Variants in WNK4 observed in about 807,000 individuals in gnomAD.
The protein encoded by WNK4 is serine/threonine-protein kinase WNK4.
WNK4 carries 94 observed loss-of-function variants against 116.2 expected under a neutral mutation model. The observed-to-expected ratio is 0.81, with a 90% CI of 0.68 to 0.96. WNK4 has a LOEUF of 0.96. Among genes scored for constraint, WNK4 ranks in the 40% least tolerant of loss-of-function variants. WNK4 has a pLI of 0.00. For synonymous variants in WNK4, 655 were observed against 672.7 expected, an observed-to-expected ratio of 0.97 and a Z score of 0.41; for missense variants, 1,542 against 1,650.6, an observed-to-expected ratio of 0.93 and a Z score of 1.14.
chr17:42,787,853 G>T lies in WNK4; in HGVS notation c.1817G>T (p.Gly606Val), dbSNP rs773671544. The change falls in exon 8 of 19, where the codon GGG becomes GTG. Residue 606 changes from glycine to valine, a missense_variant. Around this residue, in one of 7 missense-constraint regions of WNK4, gnomAD observed 808 missense variants for 873.6 expected, o/e 0.92. Transcript: ENST00000246914. ...DASDPALQPPGGVPSSLAESH... is the reference protein window; with the variant it reads ...DASDPALQPPVGVPSSLAESH... ...TCAGACCCTGCCCTTCAGCCCCCTG[G>T]GGGGGTGCCATCCAGCCTGGCTGAG... The T allele has an allele frequency of 5.0e-6, 8 of 1,612,072 alleles. No homozygotes were observed. In the Admixed American group the frequency reaches 8.3e-5, roughly 17 times the overall value.
intron 1 of WNK4, among the ~76,000 whole-genome samples, chr17:42,781,954 C>T (rs1264953257): frequency 6.6e-6 from 1 of 152,230 alleles, no homozygotes; most frequent in Non-Finnish European, 1.5e-5. Context: ...TACCTGTGCT[C>T]TCCCTTCCCA....
In WNK4 at chr17:42,782,880, G is replaced by A; in HGVS notation, c.741G>A (p.Gln247=). ...YDSWKSVLRG[Q]VCIVLVTELM... is the part of the protein sequence containing the mutation. ...CGTGGAAGTCGGTGCTGAGGGGCCAGGTTTGCATCGTGCTGGTCACCGAAC... is the reference window on the plus strand; with the variant it reads ...CGTGGAAGTCGGTGCTGAGGGGCCAAGTTTGCATCGTGCTGGTCACCGAAC... The change falls in exon 2 of 19, where the codon CAG becomes CAA. Residue 247 remains glutamine (Q), a synonymous_variant. Transcript: ENST00000246914. The surrounding 1 kb of genome is among the most constrained non-coding windows in gnomAD (Gnocchi z 4.2). 1 of 1,614,190 alleles carries A rather than the reference G, an allele frequency of 6.2e-7. No homozygotes were observed. The highest frequency in any genetic ancestry group is 1.1e-5 in the South Asian group (1 of 91,082).
Position 42,785,501 on chromosome 17 carries a change from GTGC to G in WNK4, c.1476+23_1476+25del. 6.5e-7 allele frequency: 1 copy of G among 1,549,892 alleles called. No homozygotes were observed. Among genetic ancestry groups the G allele is most frequent in the Non-Finnish European group, 8.7e-7 (1 of 1,146,294 alleles). ...GGAGATGGTGAGCGGAGGACAGACT[GTGC>G]TGCCACTGGACGTGTAAAGGACATT... is the stretch of plus-strand genomic sequence containing the variant. On this transcript the variant is annotated intron_variant, in intron 6 of 18. Transcript: ENST00000246914.
chr17:42,796,159 G>A lies in WNK4; in HGVS notation c.3468G>A (p.Gln1156=). The part of the protein sequence containing the change: ...LSEVETLQTL[Q]KKEIEDLYSR... ...AGGTGGAAACACTACAGACACTACAGAAAAAAGAAATTGAAGATTTGTACA... is the reference window on the plus strand; with the variant it reads ...AGGTGGAAACACTACAGACACTACAAAAAAAAGAAATTGAAGATTTGTACA... Residue 1156 remains glutamine, a synonymous_variant, in exon 17 of 19, where the codon CAG becomes CAA. Coordinates refer to ENST00000246914, the MANE Select transcript of WNK4 (RefSeq NM_032387.5). 6.2e-7 allele frequency: 1 copy of A among 1,614,112 alleles called. No individual in the cohort carries two copies. The highest frequency in any genetic ancestry group is 1.1e-5 in the South Asian group (1 of 91,084).
chr17:42,782,952 G>C lies in WNK4; in HGVS notation c.791+22G>C. On this transcript the variant is annotated intron_variant, in intron 2 of 18. Coordinates refer to ENST00000246914, the MANE Select transcript of WNK4 (RefSeq NM_032387.5). The surrounding 1 kb of genome is among the most constrained non-coding windows in gnomAD (Gnocchi z 4.2). The stretch of plus-strand genomic sequence containing the variant: ...AGACGTGAGCTCTGCGCATGAGTGG[G>C]TGGGGAGAGGGAGGCTGGGATGTGT... The C allele has an allele frequency of 1.2e-6, 2 of 1,612,792 alleles. No individual in the cohort carries two copies. Among genetic ancestry groups the C allele is most frequent in the Middle Eastern group, 1.7e-4 (1 of 5,992 alleles).
chr17:42,787,905 A>T lies in WNK4; in HGVS notation c.1863+6A>T. 6.2e-7 allele frequency: 1 copy of T among 1,608,486 alleles called. No homozygotes were observed. Among genetic ancestry groups the T allele is most frequent in the Non-Finnish European group, 8.5e-7 (1 of 1,179,948 alleles). ...CCCATCTCTGCCTGCCCTCGGTGAG[A>T]GGGGGTCGCATGGGGGGCTCCCAGC... On this transcript the variant is annotated splice_donor_region_variant and intron_variant, in intron 8 of 18. Coordinates refer to ENST00000246914, the MANE Select transcript of WNK4 (RefSeq NM_032387.5).
At chr17:42,791,074 A>T (rs939127141) in intron 11 of WNK4, among the ~76,000 whole-genome samples, 2 of 152,002 alleles carry the variant, frequency 1.3e-5, no homozygotes, top group African/African-American at 4.8e-5. Flanking sequence ...TCACTCGTAG[A>T]GCCTTCTGTA....
intron 17 of WNK4, 53 bp from the exon 18 acceptor site, chr17:42,796,428 C>G: frequency 6.2e-7 from 1 of 1,613,904 alleles, no homozygotes. Context: ...GACCCCCTCT[C>G]CCCACCTCCC....
In WNK4 at chr17:42,796,773, C is replaced by G; in HGVS notation, c.*85C>G. 1 of 1,613,980 alleles carries G rather than the reference C, an allele frequency of 6.2e-7. No homozygotes were observed. Among genetic ancestry groups the G allele is most frequent in the Non-Finnish European group, 8.5e-7 (1 of 1,179,908 alleles). On this transcript the variant is annotated 3_prime_UTR_variant, in exon 19 of 19. Coordinates refer to ENST00000246914, the MANE Select transcript of WNK4 (RefSeq NM_032387.5). Reference sequence around the variant, plus strand: ...TCAGAATCTGATGCTTTCTGATCAACAAAACTGAGCAAGGAAGATCCCAAC... The same window carrying G: ...TCAGAATCTGATGCTTTCTGATCAAGAAAACTGAGCAAGGAAGATCCCAAC...
rs770768545 is a variant in WNK4 at position 42,794,938 on chromosome 17, C to T, written c.2517C>T (p.Ser839=). The change falls in exon 14 of 19, where the codon AGC becomes AGT. Residue 839 remains serine, a synonymous_variant. Transcript: ENST00000246914. ...TCACTTCTCCCCCATGTCATCCCAG[C>T]CCCTCCCCATTCTCCCCCATTTCTT... ...FPITSPPCHP[S]PSPFSPISSQ... is the part of the protein sequence containing the mutation. 8.1e-6 allele frequency: 13 copies of T among 1,608,640 alleles called. No homozygotes were observed. Among genetic ancestry groups the T allele is most frequent in the Admixed American group, 3.4e-5 (2 of 59,644 alleles).
chr17:42,788,375 C>T lies in WNK4; in HGVS notation c.2008C>T (p.Arg670Cys), dbSNP rs746440189. The T allele has an allele frequency of 1.1e-5, 18 of 1,613,074 alleles. No homozygotes were observed. The highest frequency in any genetic ancestry group is 2.2e-5 in the East Asian group (1 of 44,896). Residue 670 changes from arginine to cysteine, a missense_variant, in exon 10 of 19, where the codon CGC becomes TGC. By Grantham distance (180) the Arg-to-Cys change is radical (BLOSUM62 -3). Coordinates refer to ENST00000246914, the MANE Select transcript of WNK4 (RefSeq NM_032387.5). The part of the protein sequence containing the change: ...MRRPPGRNLR[R>C]RPRSRLRVTS... ...GAGACCCCCAGGGAGGAATCTCCGGCGCAGACCCCGATCCCGGCTGCGGGT... is the reference window on the plus strand; with the variant it reads ...GAGACCCCCAGGGAGGAATCTCCGGTGCAGACCCCGATCCCGGCTGCGGGT...
chr17:42,782,617 C>T lies in WNK4; in HGVS notation c.619-141C>T. ...TGTTGGAGAGTTCAGGGTCTGCAGC[C>T]CACTGGGCAAGTAATCCCATTAACC... On this transcript the variant is annotated intron_variant, in intron 1 of 18. Coordinates refer to ENST00000246914, the MANE Select transcript of WNK4 (RefSeq NM_032387.5). This position sits in a 1 kb window ranked among gnomAD's most constrained non-coding sequence, Gnocchi z 4.2. 1.0e-6 allele frequency: 1 copy of T among 962,784 alleles called. No homozygotes were observed. The highest frequency in any genetic ancestry group is 1.4e-5 in the South Asian group (1 of 69,020). The allele number at this position is 962,784 out of a possible 1,614,324, so 59.6% of individuals were successfully genotyped here. A position where few individuals can be genotyped will look rare whatever the true frequency, so the allele number is the denominator to read the frequency against.
intron 11 of WNK4, among the ~76,000 whole-genome samples, chr17:42,791,366 T>C (rs545182845): frequency 2.6e-5 from 4 of 152,308 alleles, no homozygotes; most frequent in African/African-American, 9.6e-5. Context: ...GTGCCGGGCA[T>C]GGTGGCTCAC....
chr17:42,788,207 T>G lies in WNK4; in HGVS notation c.1922+19T>G, dbSNP rs1032593742. ...GGGACAGGTATGTTCTGGTACAAGT[T>G]GGGGTGCCAGGGTGAGACACCTGGG... On this transcript the variant is annotated intron_variant, in intron 9 of 18. Coordinates refer to ENST00000246914, the MANE Select transcript of WNK4 (RefSeq NM_032387.5). The G allele has an allele frequency of 1.2e-6, 2 of 1,614,112 alleles. No individual in the cohort carries two copies. The highest frequency in any genetic ancestry group is 3.3e-5 in the Admixed American group (2 of 60,014).
Position 42,782,983 on chromosome 17 carries a change from C to G in WNK4, c.791+53C>G. ...AGAGGGAGGCTGGGATGTGTGCCCA[C>G]TGCTTCCTGAACTCCCAGGCTCCTC... On this transcript the variant is annotated intron_variant, in intron 2 of 18. Coordinates refer to ENST00000246914, the MANE Select transcript of WNK4 (RefSeq NM_032387.5). This position sits in a 1 kb window ranked among gnomAD's most constrained non-coding sequence, Gnocchi z 4.2. The G allele has an allele frequency of 1.3e-6, 2 of 1,596,938 alleles. No homozygotes were observed. The highest frequency in any genetic ancestry group is 2.2e-5 in the South Asian group (2 of 89,238).
chr17:42,787,538 C>T lies in WNK4; in HGVS notation c.1737C>T (p.Thr579=). ...FLFRHASYSS[T]TSDCETDGYL... The stretch of plus-strand genomic sequence containing the variant: ...TCCGCCACGCCAGCTACTCATCTAC[C>T]ACTTGTAAGTCACCCCTGATCTTGA... The change falls in exon 7 of 19, where the codon ACC becomes ACT. Residue 579 remains threonine, a synonymous_variant. Coordinates refer to ENST00000246914, the MANE Select transcript of WNK4 (RefSeq NM_032387.5). The T allele has an allele frequency of 1.2e-6, 2 of 1,613,472 alleles. No homozygotes were observed. The highest frequency in any genetic ancestry group is 8.5e-7 in the Non-Finnish European group (1 of 1,179,966).
chr17:42,796,598 A>G lies in WNK4; in HGVS notation c.3729+20A>G. ...AGGATGGTGAGGGCGGGCCCAAGGG[A>G]GGGAGAGCCCAGGGAATGGTACCTG... On this transcript the variant is annotated intron_variant, in intron 18 of 18. Coordinates refer to ENST00000246914, the MANE Select transcript of WNK4 (RefSeq NM_032387.5). 2.5e-6 allele frequency: 4 copies of G among 1,614,140 alleles called. No homozygotes were observed. Among genetic ancestry groups the G allele is most frequent in the Non-Finnish European group, 3.4e-6 (4 of 1,180,006 alleles).
In WNK4 at chr17:42,796,264, G is replaced by C. The variant is rs1476996054; in HGVS notation, c.3573G>C (p.Lys1191Asn). The change falls in exon 17 of 19, where the codon AAG becomes AAC. Residue 1191 changes from lysine to asparagine, a missense_variant. Transcript: ENST00000246914. ...CCAGCCGCCAGCGCCGCCTCTCCAA[G>C]GGCAGCTTCCCCACCTCCCGCCGCA... is the stretch of plus-strand genomic sequence containing the variant. ...MLSSRQRRLSKGSFPTSRRNS... is the reference protein window; with the variant it reads ...MLSSRQRRLSNGSFPTSRRNS... 6.2e-7 allele frequency: 1 copy of C among 1,610,740 alleles called. No individual in the cohort carries two copies. Among genetic ancestry groups the C allele is most frequent in the Non-Finnish European group, 8.5e-7 (1 of 1,178,878 alleles).
intron 11 of WNK4, among the ~76,000 whole-genome samples, chr17:42,789,305 G>A (rs558511377): frequency 3.3e-5 from 5 of 152,298 alleles, no homozygotes; most frequent in African/African-American, 1.2e-4. Context: ...TAGGAGAGTT[G>A]TGGGGAGTGA....
Sources: allele counts gnomAD v4.1 joint callset (sites outside exome capture counted in the v4.1 genomes callset), GRCh38; gene constraint gnomAD v4.1.1; regional missense constraint gnomAD v4.1.1; non-coding constraint Gnocchi (gnomAD v3.1); transcripts MANE v1.5; gene names NCBI Gene and HGNC (gene_info 2026-07-23, HGNC 2026-07-21).